Variants in FOXP1 observed in about 807,000 individuals in gnomAD.
FOXP1 encodes forkhead box P1.
Under a neutral mutation model 98.2 loss-of-function variants are expected in FOXP1, and 15 were observed. The ratio of observed to expected loss-of-function variants is 0.15; its 90% CI spans 0.10 to 0.24. The LOEUF is 0.24. Ranked by LOEUF, FOXP1 falls within the 10% of genes least tolerant of loss-of-function variation. The pLI, the probability that FOXP1 is intolerant of heterozygous loss-of-function variation, is 1.00. For missense variants in FOXP1, 633 were observed against 848.5 expected (o/e 0.75, Z 3.15); for synonymous variants, 371 against 314.5 (o/e 1.18, Z -1.90).
chr3:71,253,401 T>G (rs376340166), intron 5 of FOXP1, among the ~76,000 whole-genome samples: 15 of 54,002 alleles, frequency 2.8e-4, no homozygotes, highest in Non-Finnish European at 6.4e-4. Context: ...ATAATAGACG[T>G]GTTTAACTTT....
intron 7 of FOXP1, among the ~76,000 whole-genome samples, chr3:71,068,403 A>G (rs1280943599): frequency 2.6e-5 from 4 of 152,206 alleles, no homozygotes; most frequent in Non-Finnish European, 5.9e-5. Flanking sequence ...AGGAAGAGTC[A>G]GGAGGAGCGT....
intron 3 of FOXP1, among the ~76,000 whole-genome samples, chr3:71,377,130 G>A (rs1221048666): frequency 6.6e-6 from 1 of 152,110 alleles, no homozygotes. Context: ...AGTTCAGCGG[G>A]CCACAGACTC....
In FOXP1 at chr3:71,041,376, T is replaced by C. The variant is rs779092116; in HGVS notation, c.821A>G (p.His274Arg). 8.1e-6 allele frequency: 13 copies of C among 1,613,542 alleles called. No homozygotes were observed. In the Admixed American group the frequency reaches 1.8e-4, roughly 23 times the overall value. Residue 274 changes from histidine to arginine, a missense_variant, in exon 11 of 21, where the codon CAT (histidine) becomes CGT (arginine). By Grantham distance (29) the His-to-Arg change is conservative (BLOSUM62 0). Coordinates refer to ENST00000649528, the MANE Select transcript of FOXP1 (RefSeq NM_001349338.3). ...PSKTSLIMNPHASTNGQLSVH... is the reference protein window; with the variant it reads ...PSKTSLIMNPRASTNGQLSVH... ...TGAGAGCTGTCCATTGGTAGAGGCA[T>C]GTGGGTTCATTATTAAGGAGGTCTT...
intron 5 of FOXP1, among the ~76,000 whole-genome samples, chr3:71,282,229 G>T (rs927952732): frequency 6.6e-6 from 1 of 152,068 alleles, no homozygotes; most frequent in African/African-American, 2.4e-5. Flanking sequence ...CAAATACAGT[G>T]TTATCCATAA....
At chr3:71,145,082 A>G (rs114979064) in intron 6 of FOXP1, among the ~76,000 whole-genome samples, 4,531 of 152,276 alleles carry the variant, frequency 0.03, 112 homozygotes, top group South Asian at 0.048. Flanking sequence ...TGCCCAGTGA[A>G]GCATGTCCAG....
chr3:70,986,304 C>T (rs1031347916), intron 14 of FOXP1, among the ~76,000 whole-genome samples: 10 of 152,160 alleles, frequency 6.6e-5, no homozygotes, highest in African/African-American at 1.7e-4. Flanking sequence ...AAGCGCCCTA[C>T]GGGGTTTTGT....
At chr3:70,975,195 T>C (rs1240771312) in intron 17 of FOXP1, among the ~76,000 whole-genome samples, 1 of 152,252 alleles carries the variant, frequency 6.6e-6, no homozygotes, top group Non-Finnish European at 1.5e-5. Context: ...CAACTGGTAA[T>C]TATTTTTAAA....
At position 71,581,690 on chromosome 3, in the gene FOXP1, T is replaced by A. The variant is rs1464912062; in HGVS notation, c.-439A>T. 2.0e-6 allele frequency: 2 copies of A among 985,602 alleles called. No homozygotes were observed. The highest frequency in any genetic ancestry group is 3.5e-5 in the African/African-American group (2 of 57,232). The allele number at this position is 985,602 out of a possible 1,614,324, so 61.1% of individuals were successfully genotyped here. On this transcript the variant is annotated 5_prime_UTR_variant, in exon 2 of 21. Coordinates refer to ENST00000649528, the MANE Select transcript of FOXP1 (RefSeq NM_001349338.3). Reference sequence around the variant, plus strand: ...GCGCGCTCTCTTCCTCTTACAAACTTTCGGGTTCTGCAGTCGACAAGAAAC... The same window carrying A: ...GCGCGCTCTCTTCCTCTTACAAACTATCGGGTTCTGCAGTCGACAAGAAAC...
chr3:71,016,980 C>T (rs2044590524), intron 11 of FOXP1, among the ~76,000 whole-genome samples: 1 of 151,492 alleles, frequency 6.6e-6, no homozygotes, highest in Admixed American at 6.6e-5. Context: ...AGCTATTTTG[C>T]CCTACCACAG....
chr3:71,181,770 C>A (rs1210848778), intron 6 of FOXP1, among the ~76,000 whole-genome samples: 3 of 152,072 alleles, frequency 2.0e-5, no homozygotes, highest in Non-Finnish European at 4.4e-5. Flanking sequence ...CGGTGGCTCA[C>A]GCCTGTAATC....
rs915384091 is a variant in FOXP1 at position 71,439,307 on chromosome 3, T to C, written c.-168+54119A>G. Among the ~76,000 whole-genome samples, 4 of 152,144 alleles carry C rather than the reference T, an allele frequency of 2.6e-5. No homozygotes were observed. In the South Asian group the frequency reaches 6.2e-4, roughly 24 times the overall value. ...AAACCTTTCTGTGTGTCCATGTGCATAGGGTGGGAATGGGAGAAAGAATCA... is the reference window on the plus strand; with the variant it reads ...AAACCTTTCTGTGTGTCCATGTGCACAGGGTGGGAATGGGAGAAAGAATCA... On this transcript the variant is annotated intron_variant, in intron 3 of 20. Coordinates refer to ENST00000649528, the MANE Select transcript of FOXP1 (RefSeq NM_001349338.3).
chr3:71,505,297 G>T (rs2041724163), intron 2 of FOXP1, among the ~76,000 whole-genome samples: 1 of 152,004 alleles, frequency 6.6e-6, no homozygotes, highest in Non-Finnish European at 1.5e-5. Flanking sequence ...GTCACCCCTG[G>T]TAGTGCAGCT....
At position 70,959,285 on chromosome 3, in the gene FOXP1, C is replaced by G. The variant is rs1394935459; in HGVS notation, c.1996G>C (p.Asp666His). 6.2e-7 allele frequency: 1 copy of G among 1,613,662 alleles called. No individual in the cohort carries two copies. Among genetic ancestry groups the G allele is most frequent in the Admixed American group, 1.7e-5 (1 of 59,994 alleles). ...NHSPDFDHDRDYEDEPVNEDM... is the reference protein window; with the variant it reads ...NHSPDFDHDRHYEDEPVNEDM... ...TCGTTTACTGGTTCATCTTCGTAATCTCTGTCATGGTCAAAATCTGGACTG... is the reference window on the plus strand; with the variant it reads ...TCGTTTACTGGTTCATCTTCGTAATGTCTGTCATGGTCAAAATCTGGACTG... Residue 666 changes from aspartate (D) to histidine (H), a missense_variant, in exon 21 of 21, where the codon GAT becomes CAT. Physicochemically the swap from Asp to His is moderately conservative, Grantham distance 81. Transcript: ENST00000649528.
intron 7 of FOXP1, among the ~76,000 whole-genome samples, chr3:71,084,737 A>C (rs1297701353): frequency 6.6e-6 from 1 of 152,180 alleles, no homozygotes; most frequent in Non-Finnish European, 1.5e-5. Flanking sequence ...GATTTTTTAA[A>C]ATAAATCATT....
intron 14 of FOXP1, among the ~76,000 whole-genome samples, chr3:70,982,256 T>C (rs1380942756): frequency 1.3e-5 from 2 of 152,236 alleles, no homozygotes; most frequent in Non-Finnish European, 2.9e-5. Flanking sequence ...ATATTCATCT[T>C]AATTGTAAAC....
intron 3 of FOXP1, among the ~76,000 whole-genome samples, chr3:71,434,568 G>A (rs1295435419): frequency 6.6e-6 from 1 of 151,952 alleles, no homozygotes; most frequent in African/African-American, 2.4e-5. Context: ...GCCTTCCTGG[G>A]CACTCATGTA....
intron 2 of FOXP1, among the ~76,000 whole-genome samples, chr3:71,539,256 C>CG (rs2044587950): frequency 1.4e-5 from 2 of 141,860 alleles, no homozygotes; most frequent in Non-Finnish European, 3.1e-5. Context: ...GGACTACAGG[C>CG]ACCTGCCACC....
intron 17 of FOXP1, 152 bp from the exon 18 acceptor site, chr3:70,972,828 A>T: frequency 1.3e-6 from 1 of 759,588 alleles, no homozygotes; most frequent in Non-Finnish European, 2.1e-6. Context: ...ATGGTTAAGG[A>T]TGTCTTTTCC....
At chr3:71,240,491 GA>G (rs1276096778) in intron 5 of FOXP1, among the ~76,000 whole-genome samples, 7 of 151,936 alleles carry the variant, frequency 4.6e-5, no homozygotes, top group African/African-American at 9.7e-5. Context: ...AGAATGGGGG[GA>G]AAAAAGAAGT....
Sources: gnomAD v4.1 joint callset for allele counts (sites outside exome capture counted in the v4.1 genomes callset) on GRCh38, gnomAD v4.1.1 for gene constraint, MANE v1.5 for transcripts, NCBI Gene and HGNC (gene_info 2026-07-23, HGNC 2026-07-21) for gene names.